The following GMDS variants were observed in gnomAD, a reference collection of about 807,000 sequenced individuals.
GMDS encodes the protein GDP-mannose 4,6-dehydratase.
A neutral mutation model predicts 49.9 loss-of-function variants in GMDS; 20 were observed. That is an observed-to-expected ratio of 0.40 (90% CI 0.28 to 0.58). The LOEUF (loss-of-function observed/expected upper bound fraction) is 0.58. Ranked by LOEUF, GMDS falls within the 20% of genes least tolerant of loss-of-function variation. The pLI, the probability that GMDS is intolerant of heterozygous loss-of-function variation, is 0.42. For missense variants in GMDS, 362 were observed against 481.4 expected (o/e 0.75, Z 2.32); for synonymous variants, 177 against 178.6 (o/e 0.99, Z 0.07).
intron 9 of GMDS, among the ~76,000 whole-genome samples, chr6:1,652,919 G>C (rs1273220892): frequency 6.8e-6 from 1 of 146,834 alleles, no homozygotes; most frequent in Non-Finnish European, 1.5e-5. Context: ...CTGCCCTCCT[G>C]GGTCACGTGT....
chr6:1,811,966 C>A (rs546519410), intron 7 of GMDS, among the ~76,000 whole-genome samples: 1 of 152,270 alleles, frequency 6.6e-6, no homozygotes, highest in East Asian at 1.9e-4. Context: ...CTACTATGTT[C>A]CAGGTACACT....
intron 1 of GMDS, among the ~76,000 whole-genome samples, chr6:2,163,778 A>G (rs911811252): frequency 6.6e-6 from 1 of 152,198 alleles, no homozygotes; most frequent in African/African-American, 2.4e-5. Flanking sequence ...GAGCGCTGCC[A>G]CTTGGCCCCT....
At chr6:1,706,573 C>T (rs1213330276) in intron 9 of GMDS, among the ~76,000 whole-genome samples, 1 of 152,238 alleles carries the variant, frequency 6.6e-6, no homozygotes, top group African/African-American at 2.4e-5. Flanking sequence ...TTGGAAAACA[C>T]AAACCAGCGG....
intron 1 of GMDS, among the ~76,000 whole-genome samples, chr6:2,150,485 T>C (rs1013758482): frequency 2.0e-5 from 3 of 152,204 alleles, no homozygotes; most frequent in South Asian, 2.1e-4. Context: ...ACTATCTCCA[T>C]GGAATTCTAG....
In GMDS at chr6:1,825,028, CTT is replaced by C. The variant is rs1046422928; in HGVS notation, c.772-82444_772-82443del. Among the ~76,000 whole-genome samples the C allele has an allele frequency of 6.6e-5, 10 of 152,328 alleles. No individual in the cohort carries two copies. The East Asian group carries it at 1.7e-3, about 26-fold the overall frequency. ...GGTTATTTTTCTGAAGTCACTCTCT[CTT>C]GGGCCAGAATTTACTGGAGGTCAAG... On this transcript the variant is annotated intron_variant, in intron 7 of 10. Coordinates refer to ENST00000380815, the MANE Select transcript of GMDS (RefSeq NM_001500.4).
intron 7 of GMDS, among the ~76,000 whole-genome samples, chr6:1,769,361 G>T (rs1399879752): frequency 6.6e-6 from 1 of 152,224 alleles, no homozygotes; most frequent in Non-Finnish European, 1.5e-5. Context: ...TAAAGAAAAT[G>T]ACACTTTAAC....
chr6:2,086,096 G>A (rs1277386711), intron 4 of GMDS, among the ~76,000 whole-genome samples: 2 of 152,160 alleles, frequency 1.3e-5, no homozygotes, highest in East Asian at 3.8e-4. Flanking sequence ...GGTTTTGATT[G>A]TTTGCTCCAC....
chr6:1,942,828 G>A (rs553062798), intron 6 of GMDS, among the ~76,000 whole-genome samples: 17 of 152,278 alleles, frequency 1.1e-4, no homozygotes, highest in East Asian at 3.9e-4. Flanking sequence ...CGTGAGGTTC[G>A]CTTTTTGCCA....
chr6:1,901,316 G>A (rs1042684291), intron 7 of GMDS, among the ~76,000 whole-genome samples: 1 of 152,136 alleles, frequency 6.6e-6, no homozygotes, highest in Non-Finnish European at 1.5e-5. Context: ...AGCCTTTTCT[G>A]AATTTTAACA....
At chr6:2,161,862 G>C (rs1777416763) in intron 1 of GMDS, among the ~76,000 whole-genome samples, 1 of 152,162 alleles carries the variant, frequency 6.6e-6, no homozygotes, top group African/African-American at 2.4e-5. Flanking sequence ...AAAATAAAAG[G>C]AGAGAAAGCC....
rs981272248 is a variant in GMDS at position 2,020,656 on chromosome 6, C to CA, written c.346-59691dup. On this transcript the variant is annotated intron_variant, in intron 4 of 10. Coordinates refer to ENST00000380815, the MANE Select transcript of GMDS (RefSeq NM_001500.4). ...TCAAAATCAGAGAGCCCCTTAATGG[C>CA]AAAAAAAAATGCTTACTGAAATAGA... Among the ~76,000 whole-genome samples the CA allele has an allele frequency of 1.8e-3, 271 of 146,898 alleles. 3 individuals are homozygous for CA. The highest frequency in any genetic ancestry group is 9.9e-3 in the East Asian group (50 of 5,044).
Position 2,115,759 on chromosome 6 carries a change from G to A in GMDS, c.345+12C>T, listed in dbSNP as rs1014978620. On this transcript the variant is annotated intron_variant, in intron 4 of 10. Coordinates refer to ENST00000380815, the MANE Select transcript of GMDS (RefSeq NM_001500.4). ...GAAACACGGCCAGAGAAATCCCAAT[G>A]AAAATGCTTACTTTGACGTGGCTCT... 1.1e-5 allele frequency: 15 copies of A among 1,383,806 alleles called. 1 individual carries two copies. The African/African-American group carries it at 1.1e-4, about 10-fold the overall frequency. 85.7% of individuals were successfully genotyped at this position (1,383,806 alleles called of 1,614,324 possible).
At chr6:1,664,182 A>C (rs1381736295) in intron 9 of GMDS, among the ~76,000 whole-genome samples, 1 of 152,202 alleles carries the variant, frequency 6.6e-6, no homozygotes, top group Non-Finnish European at 1.5e-5. Context: ...TGCAAAAATC[A>C]ACTCTTGGAA....
In GMDS at chr6:1,802,007, G is replaced by A. The variant is rs62388417; in HGVS notation, c.772-59421C>T. Among the ~76,000 whole-genome samples, 781 of 152,270 alleles carry A rather than the reference G, an allele frequency of 5.1e-3. 4 individuals carry two copies. Among genetic ancestry groups the A allele is most frequent in the Non-Finnish European group, 8.8e-3 (600 of 68,018 alleles). On this transcript the variant is annotated intron_variant, in intron 7 of 10. Transcript: ENST00000380815. ...ACTGACCTTAAAAGCCACTGTCTCA[G>A]GCATTGCCAGTAACAAAATTGGGAG...
At chr6:1,914,624 C>G (rs1364524564) in intron 7 of GMDS, among the ~76,000 whole-genome samples, 1 of 152,190 alleles carries the variant, frequency 6.6e-6, no homozygotes, top group Non-Finnish European at 1.5e-5. Flanking sequence ...GAGACTATTT[C>G]CAGGGAAGAT....
At chr6:1,906,740 G>C (rs1760795923) in intron 7 of GMDS, among the ~76,000 whole-genome samples, 1 of 152,126 alleles carries the variant, frequency 6.6e-6, no homozygotes, top group African/African-American at 2.4e-5. Context: ...GGGCAGGGAG[G>C]GAGGACAAGG....
In GMDS at chr6:1,667,629, T is replaced by C. The variant is rs555245466; in HGVS notation, c.988-43089A>G. Among the ~76,000 whole-genome samples, 3 of 152,100 alleles carry C rather than the reference T, an allele frequency of 2.0e-5. No homozygotes were observed. In the South Asian group the frequency reaches 6.2e-4, roughly 32 times the overall value. On this transcript the variant is annotated intron_variant, in intron 9 of 10. Transcript: ENST00000380815. ...ATTAAAATCCTTTAAAAATGAAAAA[T>C]TGATGGTGACAGTCCTGTCTGAAGA...
rs911893627 is a variant in GMDS at position 2,188,179 on chromosome 6, C to T, written c.102+57142G>A. Reference sequence around the variant, plus strand: ...CAAGAAGCACACACAGAGGCTCCTGCTCTGGAGACAGCTGGAGTACAAATC... The same window carrying T: ...CAAGAAGCACACACAGAGGCTCCTGTTCTGGAGACAGCTGGAGTACAAATC... On this transcript the variant is annotated intron_variant, in intron 1 of 10. Coordinates refer to ENST00000380815, the MANE Select transcript of GMDS (RefSeq NM_001500.4). Among the ~76,000 whole-genome samples, 4 of 152,348 alleles carry T rather than the reference C, an allele frequency of 2.6e-5. No homozygotes were observed. In the East Asian group the frequency reaches 7.7e-4, roughly 29 times the overall value.
At chr6:2,207,394 C>T (rs1779853279) in intron 1 of GMDS, among the ~76,000 whole-genome samples, 1 of 151,974 alleles carries the variant, frequency 6.6e-6, no homozygotes, top group South Asian at 2.1e-4. Flanking sequence ...GAATCACAGT[C>T]ACATTTACTG....
Sources: allele counts gnomAD v4.1 joint callset (sites outside exome capture counted in the v4.1 genomes callset), GRCh38; gene constraint gnomAD v4.1.1; transcripts MANE v1.5; gene names NCBI Gene and HGNC (gene_info 2026-07-23, HGNC 2026-07-21).